Variants in ATP2B4 observed in about 807,000 individuals in gnomAD.
ATP2B4 encodes the protein ATPase plasma membrane Ca2+ transporting 4.
Under a neutral mutation model 110.3 loss-of-function variants are expected in ATP2B4, and 39 were observed. The ratio of observed to expected loss-of-function variants is 0.35; its 90% confidence interval spans 0.27 to 0.46. ATP2B4 has a LOEUF of 0.46. ATP2B4 is among the 20% of genes least tolerant of loss of function. ATP2B4 has a pLI of 1.00. For synonymous variants in ATP2B4, 538 were observed against 571.7 expected (o/e 0.94, Z 0.84); for missense variants, 1,135 against 1,530.9 (o/e 0.74, Z 4.32).
intron 6 of ATP2B4, among the ~76,000 whole-genome samples, chr1:203,701,441 A>G (rs1464953322): frequency 6.6e-6 from 1 of 152,216 alleles, no homozygotes; most frequent in Non-Finnish European, 1.5e-5. Flanking sequence ...CCTGAAGGAA[A>G]GAATAAGAGG....
intron 1 of ATP2B4, among the ~76,000 whole-genome samples, chr1:203,680,201 A>C (rs561857648): frequency 6.6e-6 from 1 of 152,268 alleles, no homozygotes; most frequent in East Asian, 1.9e-4. Context: ...AAGCTGCCTT[A>C]GAATTTTCCA....
rs1666987893 is a variant in ATP2B4 at position 203,741,085 on chromosome 1, CCA to C, written c.*1232_*1233del. On this transcript the variant is annotated 3_prime_UTR_variant, in exon 21 of 21. Coordinates refer to ENST00000357681, the MANE Select transcript of ATP2B4 (RefSeq NM_001684.5). The stretch of plus-strand genomic sequence containing the variant: ...CTGGGGACCAGCTTCGACATTCTCT[CCA>C]GTTTCTGATTCTAATTTTTGCCACG... 1 of 152,346 alleles carries C rather than the reference CCA, an allele frequency of 6.6e-6. No homozygotes were observed. The highest frequency in any genetic ancestry group is 6.6e-5 in the Admixed American group (1 of 15,260). 9.4% of individuals were successfully genotyped at this position (152,346 alleles called of 1,614,324 possible). A position where few individuals can be genotyped will look rare whatever the true frequency, so the allele number is the denominator to read the frequency against.
chr1:203,704,515 CTG>C (rs1404633079), intron 8 of ATP2B4, among the ~76,000 whole-genome samples: 1 of 113,778 alleles, frequency 8.8e-6, no homozygotes, highest in Admixed American at 1.2e-4. Flanking sequence ...GCGTCTTCCT[CTG>C]TTGCCCAGGA....
chr1:203,733,511 A>G, intron 20 of ATP2B4: 4 of 1,174,140 alleles, frequency 3.4e-6, no homozygotes, highest in Non-Finnish European at 4.6e-6. Context: ...TTTCCCTTTG[A>G]TATTTTGACT....
intron 15 of ATP2B4, among the ~76,000 whole-genome samples, chr1:203,718,295 A>T (rs1666218206): frequency 6.7e-6 from 1 of 149,760 alleles, no homozygotes; most frequent in Non-Finnish European, 1.5e-5. Flanking sequence ...ATTTTATTTT[A>T]TTTTATTTAG....
rs1187422251 is a variant in ATP2B4 at position 203,649,504 on chromosome 1, G to A, written c.-465+22285G>A. On this transcript the variant is annotated intron_variant, in intron 1 of 20. Transcript: ENST00000357681. ...AAAAGTGCTTCACTTTAGGGTGGGCGTAGTGGTTCACGCCTATAATCCCAG... is the reference window on the plus strand; with the variant it reads ...AAAAGTGCTTCACTTTAGGGTGGGCATAGTGGTTCACGCCTATAATCCCAG... Among the ~76,000 whole-genome samples, 5 of 152,184 alleles carry A rather than the reference G, an allele frequency of 3.3e-5. No individual in the cohort carries two copies. The East Asian group carries it at 7.7e-4, about 23-fold the overall frequency.
intron 3 of ATP2B4, 119 bp from the exon 4 acceptor site, chr1:203,699,341 A>G: frequency 7.4e-7 from 1 of 1,342,296 alleles, no homozygotes; most frequent in Non-Finnish European, 1.0e-6. Context: ...CAACAGTTGT[A>G]TTTGCTATTA....
In ATP2B4 at chr1:203,722,471, C is replaced by G. The variant is rs971401106; in HGVS notation, c.2813-7C>G. 1.9e-6 allele frequency: 3 copies of G among 1,608,182 alleles called. No individual in the cohort carries two copies. The highest frequency in any genetic ancestry group is 2.6e-6 in the Non-Finnish European group (3 of 1,174,696). ...TTAACCTCCAGTGCTTCTCCTCTCC[C>G]CACTAGGTGAGAAATTCTTTGATAT... On this transcript the variant is annotated splice_region_variant and splice_polypyrimidine_tract_variant and intron_variant, in intron 17 of 20. Transcript: ENST00000357681.
Position 203,629,699 on chromosome 1 carries a change from T to A in ATP2B4, c.-465+2480T>A, listed in dbSNP as rs1471470092. Among the ~76,000 whole-genome samples, 1 of 152,148 alleles carries A rather than the reference T, an allele frequency of 6.6e-6. No individual in the cohort carries two copies. The highest frequency in any genetic ancestry group is 1.5e-5 in the Non-Finnish European group (1 of 68,024). On this transcript the variant is annotated intron_variant, in intron 1 of 20. Transcript: ENST00000357681. This position sits in a 1 kb window ranked among gnomAD's most constrained non-coding sequence, Gnocchi z 4.6. The stretch of plus-strand genomic sequence containing the variant: ...GCTCTGCTGTAGTCTGAGAACTCCG[T>A]GGAGAATGCGAACCGAGCGGCGAAC...
intron 2 of ATP2B4, among the ~76,000 whole-genome samples, chr1:203,686,681 CTTTCT>C (rs1665192258): frequency 3.3e-5 from 1 of 30,424 alleles, no homozygotes; most frequent in African/African-American, 1.0e-4. Flanking sequence ...TCTTTCTTTT[CTTTCT>C]TTTTTTTTTT....
chr1:203,654,519 A>T (rs1223692352), intron 1 of ATP2B4, among the ~76,000 whole-genome samples: 2 of 152,230 alleles, frequency 1.3e-5, no homozygotes, highest in Non-Finnish European at 2.9e-5. Context: ...GCTGCCATAG[A>T]CAATGATTCC....
intron 11 of ATP2B4, 22 bp from the exon 12 acceptor site, chr1:203,710,855 T>C (rs1392564267): frequency 1.9e-6 from 3 of 1,569,262 alleles, no homozygotes; most frequent in African/African-American, 2.7e-5. Flanking sequence ...AGACACCGCG[T>C]TCTTACTGTG....
At chr1:203,686,685 CTTTTTTTTTTTTTTT>C (rs779048789) in intron 2 of ATP2B4, among the ~76,000 whole-genome samples, 15 of 42,786 alleles carry the variant, frequency 3.5e-4, no homozygotes, top group African/African-American at 1.5e-3. Flanking sequence ...TCTTTTCTTT[CTTTTTTTTTTTTTTT>C]TTTTTTTTTT....
At chr1:203,675,151 T>G (rs537632175) in intron 1 of ATP2B4, among the ~76,000 whole-genome samples, 10 of 152,342 alleles carry the variant, frequency 6.6e-5, no homozygotes, top group African/African-American at 1.9e-4. Flanking sequence ...TGTCTTCATC[T>G]TGGTGGTTCT....
intron 15 of ATP2B4, among the ~76,000 whole-genome samples, chr1:203,715,941 C>A (rs1666148143): frequency 6.9e-6 from 1 of 144,314 alleles, no homozygotes; most frequent in Non-Finnish European, 1.5e-5. Flanking sequence ...CCCACTCAGG[C>A]CCCACCCCAG....
intron 1 of ATP2B4, among the ~76,000 whole-genome samples, chr1:203,649,815 GTAC>G (rs1432603247): frequency 6.6e-6 from 1 of 152,050 alleles, no homozygotes; most frequent in Non-Finnish European, 1.5e-5. Context: ...ACCAAGTGCT[GTAC>G]TTTACAGACC....
At chr1:203,666,429 C>A (rs1664505648) in intron 1 of ATP2B4, among the ~76,000 whole-genome samples, 1 of 152,228 alleles carries the variant, frequency 6.6e-6, no homozygotes, top group Non-Finnish European at 1.5e-5. Flanking sequence ...AGCACCTCCA[C>A]ACATCACTTC....
At chr1:203,660,139 G>A (rs1246408104) in intron 1 of ATP2B4, among the ~76,000 whole-genome samples, 2 of 151,428 alleles carry the variant, frequency 1.3e-5, no homozygotes, top group Non-Finnish European at 2.9e-5. Flanking sequence ...AGGTCACAGA[G>A]CTTGGATTCC....
At position 203,671,764 on chromosome 1, in the gene ATP2B4, A is replaced by C. The variant is rs929108087; in HGVS notation, c.-464-10978A>C. 2.0e-5 allele frequency among the ~76,000 whole-genome samples: 3 copies of C among 152,354 alleles called. No homozygotes were observed. The East Asian group carries it at 5.8e-4, about 29-fold the overall frequency. On this transcript the variant is annotated intron_variant, in intron 1 of 20. Coordinates refer to ENST00000357681, the MANE Select transcript of ATP2B4 (RefSeq NM_001684.5). ...CTTGACTAAAATCTTGGGTCTTGCT[A>C]TGCAGAAGTAGCCCTTCACCCCAAA... is the stretch of plus-strand genomic sequence containing the variant.
Sources: allele counts gnomAD v4.1 joint callset (sites outside exome capture counted in the v4.1 genomes callset), GRCh38; gene constraint gnomAD v4.1.1; non-coding constraint Gnocchi (gnomAD v3.1); transcripts MANE v1.5; gene names NCBI Gene and HGNC (gene_info 2026-07-23, HGNC 2026-07-21).